Variants in MMAA observed in about 807,000 individuals in gnomAD.
MMAA encodes the protein methylmalonic aciduria type A protein, mitochondrial.
Under a neutral mutation model 45.0 loss-of-function variants are expected in MMAA, and 41 were observed. That is an observed-to-expected ratio of 0.91 (90% CI 0.71 to 1.18). The LOEUF is 1.18. MMAA is among the 50% of genes most tolerant of loss of function. The pLI is 0.00. For synonymous variants in MMAA, 154 were observed against 178.2 expected, an observed-to-expected ratio of 0.86 and a Z score of 1.08; for missense variants, 460 against 495.7, an observed-to-expected ratio of 0.93 and a Z score of 0.68.
At chr4:145,622,073 T>C (rs993190840) in intron 1 of MMAA, among the ~76,000 whole-genome samples, 9 of 152,218 alleles carry the variant, frequency 5.9e-5, no homozygotes. Flanking sequence ...AGATAACTGA[T>C]ATGGTTTGGC....
intron 4 of MMAA, among the ~76,000 whole-genome samples, chr4:145,648,393 G>A (rs1259441318): frequency 3.3e-5 from 5 of 152,016 alleles, no homozygotes; most frequent in East Asian, 3.9e-4. Context: ...TGATCCGCCC[G>A]CCTCGGCCTG....
At chr4:145,648,813 C>T (rs1010360755) in intron 4 of MMAA, among the ~76,000 whole-genome samples, 3 of 152,018 alleles carry the variant, frequency 2.0e-5, no homozygotes, top group Non-Finnish European at 4.4e-5. Flanking sequence ...GGTAAAACCC[C>T]GTCTCTACAG....
intron 1 of MMAA, among the ~76,000 whole-genome samples, chr4:145,631,243 G>T (rs1734329274): frequency 6.6e-6 from 1 of 152,174 alleles, no homozygotes; most frequent in Non-Finnish European, 1.5e-5. Flanking sequence ...ACTGAAAGTG[G>T]GGTGTTGAAG....
rs779939886 is a variant in MMAA, at chr4:145,646,157, G to T, written c.733+1G>T. On this transcript the variant is annotated splice_donor_variant, in intron 4 of 6. Coordinates refer to ENST00000649156, the MANE Select transcript of MMAA (RefSeq NM_172250.3). LOFTEE classifies it high-confidence loss of function. ...GACATAATTCTTATTGAAACCGTTG[G>T]TGAGTGTGATATTCTATTTCATAAC... The T allele has an allele frequency of 1.9e-6, 3 of 1,613,998 alleles. No homozygotes were observed. Among genetic ancestry groups the T allele is most frequent in the Admixed American group, 3.3e-5 (2 of 60,022 alleles).
At chr4:145,651,986 T>G (rs931267055) in intron 5 of MMAA, among the ~76,000 whole-genome samples, 1 of 152,126 alleles carries the variant, frequency 6.6e-6, no homozygotes, top group African/African-American at 2.4e-5. Flanking sequence ...GCCCCCCTGC[T>G]GCCCCCCTGC....
At chr4:145,639,878 C>T (rs746676284) in intron 2 of MMAA, 14 of 963,724 alleles carry the variant, frequency 1.5e-5, no homozygotes, top group Non-Finnish European at 1.7e-5. Context: ...TGAGTTTACT[C>T]CTTTTTCTTT....
At chr4:145,639,975 C>A in intron 2 of MMAA, 2 of 389,878 alleles carry the variant, frequency 5.1e-6, no homozygotes, top group Non-Finnish European at 3.5e-6. Flanking sequence ...AAAATTCTGC[C>A]TCTTAGGTAT....
rs1364907025 is a variant in MMAA at position 145,624,245 on chromosome 4, G to T, written c.-66+4838G>T. 3.5e-5 allele frequency: 28 copies of T among 803,616 alleles called. 1 individual carries two copies. Among genetic ancestry groups the T allele is most frequent in the Admixed American group, 1.7e-5 (1 of 59,030 alleles). The allele number at this position is 803,616 out of a possible 1,614,324, so 49.8% of individuals were successfully genotyped here. A position where few individuals can be genotyped will look rare whatever the true frequency, so the allele number is the denominator to read the frequency against. ...GCAAAGAGATCACAAACTGCAGGGA[G>T]GCCATAATGGTCTGGGGGGAAGTTA... On this transcript the variant is annotated intron_variant, in intron 1 of 6. Transcript: ENST00000649156.
intron 1 of MMAA, chr4:145,624,380 C>G (rs2126606913): frequency 1.3e-6 from 1 of 782,588 alleles, no homozygotes; most frequent in Non-Finnish European, 2.3e-6. Context: ...TCTTTCCCAG[C>G]AGGAGCCAGT....
At chr4:145,644,782 C>T (rs1727880556) in intron 3 of MMAA, among the ~76,000 whole-genome samples, 1 of 152,130 alleles carries the variant, frequency 6.6e-6, no homozygotes, top group African/African-American at 2.4e-5. Context: ...TCAAGTTTGG[C>T]GGTAGTGACA....
intron 1 of MMAA, chr4:145,624,908 GT>G: frequency 6.6e-7 from 1 of 1,526,456 alleles, no homozygotes; most frequent in South Asian, 1.1e-5. Context: ...CCCCCAAGTG[GT>G]CATGCAGGCA....
intron 1 of MMAA, among the ~76,000 whole-genome samples, chr4:145,621,797 A>T (rs1734095081): frequency 6.6e-6 from 1 of 152,190 alleles, no homozygotes; most frequent in Non-Finnish European, 1.5e-5. Flanking sequence ...TGAAATTGAG[A>T]ATATTCATTG....
chr4:145,655,174 G>A lies in MMAA; in HGVS notation c.997G>A (p.Glu333Lys). Residue 333 changes from glutamate (E) to lysine (K), a missense_variant, in exon 7 of 7, where the codon GAG (glutamate) becomes AAG (lysine). Coordinates refer to ENST00000649156, the MANE Select transcript of MMAA (RefSeq NM_172250.3). ...KVIRISARSGEGISEMWDKMK... is the reference protein window; with the variant it reads ...KVIRISARSGKGISEMWDKMK... Reference sequence around the variant, plus strand: ...AATTCGTATTTCTGCCCGAAGTGGAGAGGGGATCTCTGAAATGTGGGATAA... The same window carrying A: ...AATTCGTATTTCTGCCCGAAGTGGAAAGGGGATCTCTGAAATGTGGGATAA... 2 of 1,614,124 alleles carry A rather than the reference G, an allele frequency of 1.2e-6. No homozygotes were observed. The highest frequency in any genetic ancestry group is 1.1e-5 in the South Asian group (1 of 91,060).
At chr4:145,629,291 T>C (rs1734274103) in intron 1 of MMAA, among the ~76,000 whole-genome samples, 1 of 152,104 alleles carries the variant, frequency 6.6e-6, no homozygotes, top group South Asian at 2.1e-4. Flanking sequence ...CCACCACGCC[T>C]GGCTAATTTT....
chr4:145,645,984 A>G lies in MMAA; in HGVS notation c.563-2A>G. ...ATTATAAAATGTAACTGTATGTTTT[A>G]GGATCACTCTTAGGTGATAAAACCC... On this transcript the variant is annotated splice_acceptor_variant, in intron 3 of 6. Transcript: ENST00000649156. LOFTEE classifies it high-confidence loss of function. The G allele has an allele frequency of 1.2e-6, 2 of 1,613,808 alleles. No individual in the cohort carries two copies. The highest frequency in any genetic ancestry group is 1.7e-6 in the Non-Finnish European group (2 of 1,179,732).
At chr4:145,641,680 G>A (rs930174878) in intron 2 of MMAA, among the ~76,000 whole-genome samples, 6 of 152,146 alleles carry the variant, frequency 3.9e-5, no homozygotes, top group African/African-American at 1.4e-4. Flanking sequence ...GGACACTGAG[G>A]CATAGAAAGA....
At position 145,655,620 on chromosome 4, in the gene MMAA, G is replaced by C; in HGVS notation, c.*186G>C. 1.7e-6 allele frequency: 1 copy of C among 576,280 alleles called. No individual in the cohort carries two copies. Among genetic ancestry groups the C allele is most frequent in the Non-Finnish European group, 3.0e-6 (1 of 334,760 alleles). The allele number at this position is 576,280 out of a possible 1,614,324, so 35.7% of individuals were successfully genotyped here. A position where few individuals can be genotyped will look rare whatever the true frequency, so the allele number is the denominator to read the frequency against. On this transcript the variant is annotated 3_prime_UTR_variant, in exon 7 of 7. Transcript: ENST00000649156. ...GCAAAAGTTAGGCAGTATTTATAAG[G>C]TACCTGTTTTATGTTACTGATATCT...
intron 1 of MMAA, among the ~76,000 whole-genome samples, chr4:145,634,868 G>A (rs557557044): frequency 7.9e-5 from 12 of 152,036 alleles, no homozygotes; most frequent in African/African-American, 2.9e-4. Flanking sequence ...GGGCCTGGAA[G>A]GGGGACCTCA....
At chr4:145,653,408 A>C (rs1482049686) in intron 5 of MMAA, among the ~76,000 whole-genome samples, 1 of 152,182 alleles carries the variant, frequency 6.6e-6, no homozygotes, top group Non-Finnish European at 1.5e-5. Context: ...TATGTGACAT[A>C]ATTTGAATTA....
Sources: allele counts gnomAD v4.1 joint callset (sites outside exome capture counted in the v4.1 genomes callset), GRCh38; gene constraint gnomAD v4.1.1; transcripts MANE v1.5; gene names NCBI Gene and HGNC (gene_info 2026-07-23, HGNC 2026-07-21).